The following TRRAP variants were observed in gnomAD, a reference collection of about 807,000 sequenced individuals.
TRRAP encodes transformation/transcription domain associated protein.
In TRRAP, 41 loss-of-function variants were observed where a neutral mutation model predicts 438.8. That is an observed-to-expected ratio of 0.09 (90% CI 0.07 to 0.12). The LOEUF (loss-of-function observed/expected upper bound fraction) is 0.12, where lower values mean the gene tolerates loss of function less well. Ranked by LOEUF, TRRAP falls within the 10% of genes least tolerant of loss-of-function variation. The pLI, the probability that TRRAP is intolerant of heterozygous loss-of-function variation, is 1.00. For synonymous variants in TRRAP, 1,994 were observed against 1,962.9 expected (o/e 1.02, Z -0.42); for missense variants, 3,122 against 5,055.1 (o/e 0.62, Z 11.60).
chr7:98,912,546 A>G (rs1459563612), intron 18 of TRRAP, among the ~76,000 whole-genome samples: 9 of 152,182 alleles, frequency 5.9e-5, no homozygotes, highest in African/African-American at 1.9e-4. Flanking sequence ...TTGTCTATCT[A>G]GTAACTTAAA....
chr7:98,947,537 C>A (rs1267371814), intron 33 of TRRAP, among the ~76,000 whole-genome samples: 1 of 151,476 alleles, frequency 6.6e-6, no homozygotes, highest in Non-Finnish European at 1.5e-5. Context: ...CTCACTGTAA[C>A]CTCCGCCTCC....
chr7:98,990,648 G>T lies in TRRAP; in HGVS notation c.9756+29G>T, dbSNP rs377408093. The T allele has an allele frequency of 3.1e-6, 5 of 1,589,604 alleles. No homozygotes were observed. The South Asian group carries it at 4.5e-5, about 14-fold the overall frequency. On this transcript the variant is annotated intron_variant, in intron 64 of 72. Transcript: ENST00000456197. ...GGAAGAGCAGGGTGGCCTTGTTCAC[G>T]TGCACAAAACATTGTGTCTTCATTT...
chr7:98,966,289 G>A (rs1164144574), intron 49 of TRRAP, among the ~76,000 whole-genome samples: 1 of 151,922 alleles, frequency 6.6e-6, no homozygotes, highest in African/African-American at 2.4e-5. Context: ...CTGGGCGACA[G>A]AGCAAGACTC....
At chr7:98,993,852 T>C in intron 66 of TRRAP, 115 bp downstream of exon 66, 2 of 1,056,018 alleles carry the variant, frequency 1.9e-6, no homozygotes, top group Non-Finnish European at 2.8e-6. Context: ...TATATATTTG[T>C]TGTTGAACTT....
At chr7:99,002,116 G>C (rs1793949334) in intron 67 of TRRAP, among the ~76,000 whole-genome samples, 1 of 148,970 alleles carries the variant, frequency 6.7e-6, no homozygotes, top group African/African-American at 2.5e-5. Flanking sequence ...GGATGCAGGG[G>C]AGAGGCGGGG....
intron 52 of TRRAP, among the ~76,000 whole-genome samples, chr7:98,971,580 G>A (rs1319394545): frequency 6.6e-6 from 1 of 152,140 alleles, no homozygotes; most frequent in Non-Finnish European, 1.5e-5. Context: ...AAGCACACTG[G>A]TGGCTTCTTT....
At chr7:98,915,628 C>G (rs1789487485) in intron 18 of TRRAP, 95 bp from the exon 19 acceptor site, 1 of 1,451,720 alleles carries the variant, frequency 6.9e-7, no homozygotes, top group Non-Finnish European at 9.3e-7. Flanking sequence ...GAATTGCCTT[C>G]CATTGCTGTC....
chr7:99,008,650 G>A, intron 70 of TRRAP, 89 bp downstream of exon 70: 1 of 1,427,830 alleles, frequency 7.0e-7, no homozygotes, highest in South Asian at 1.3e-5. Context: ...TTTAGGAGAT[G>A]AACAGGCATT....
chr7:98,990,442 CCTT>C lies in TRRAP; in HGVS notation c.9592-10_9592-8del. On this transcript the variant is annotated splice_polypyrimidine_tract_variant and intron_variant, in intron 63 of 72. Coordinates refer to ENST00000456197, the MANE Select transcript of TRRAP (RefSeq NM_001375524.1). ...ATTGTCATTCTACTCTAGAATTTCT[CCTT>C]CTGTCTCAGGTGCTGTGGCTTTTGA... 1.2e-6 allele frequency: 2 copies of C among 1,609,548 alleles called. No homozygotes were observed. The highest frequency in any genetic ancestry group is 1.7e-5 in the Admixed American group (1 of 59,934).
At chr7:98,988,692 G>A (rs1224081536) in intron 62 of TRRAP, 73 bp from the exon 63 acceptor site, 2 of 1,534,380 alleles carry the variant, frequency 1.3e-6, no homozygotes, top group East Asian at 2.3e-5. Flanking sequence ...ATTTTATAAT[G>A]GTTAATTTCA....
chr7:98,982,039 G>C, intron 59 of TRRAP, 79 bp downstream of exon 59: 1 of 1,348,028 alleles, frequency 7.4e-7, no homozygotes, highest in South Asian at 1.6e-5. Flanking sequence ...TAGGTCTGCA[G>C]ACTGCTCCGG....
chr7:98,880,300 A>G (rs1285821016), intron 1 of TRRAP, among the ~76,000 whole-genome samples: 35 of 118,946 alleles, frequency 2.9e-4, no homozygotes, highest in African/African-American at 7.6e-4. Context: ...ACCTTGCTCT[A>G]TTGCCCAGGA....
intron 11 of TRRAP, among the ~76,000 whole-genome samples, chr7:98,901,800 C>T (rs781906061): frequency 1.2e-4 from 19 of 152,228 alleles, no homozygotes; most frequent in Non-Finnish European, 2.8e-4. Flanking sequence ...CTGCCCACCT[C>T]AGCCTCCCAT....
At position 98,994,964 on chromosome 7, in the gene TRRAP, T is replaced by C. The variant is rs1793581652; in HGVS notation, c.10309+116T>C. 5.0e-6 allele frequency: 7 copies of C among 1,410,700 alleles called. No individual in the cohort carries two copies. The South Asian group carries it at 9.3e-5, about 19-fold the overall frequency. The allele number at this position is 1,410,700 out of a possible 1,614,324, so 87.4% of individuals were successfully genotyped here. A position where few individuals can be genotyped will look rare whatever the true frequency, so the allele number is the denominator to read the frequency against. ...TTTCTGATCACTGCACGGGGCACACTGGTTACACTCTGTTTACAGTGCAGA... is the reference window on the plus strand; with the variant it reads ...TTTCTGATCACTGCACGGGGCACACCGGTTACACTCTGTTTACAGTGCAGA... On this transcript the variant is annotated intron_variant, in intron 67 of 72. Coordinates refer to ENST00000456197, the MANE Select transcript of TRRAP (RefSeq NM_001375524.1). The surrounding 1 kb of genome is among the most constrained non-coding windows in gnomAD (Gnocchi z 4.8).
At chr7:98,991,870 G>A (rs1175312249) in intron 64 of TRRAP, among the ~76,000 whole-genome samples, 1 of 152,158 alleles carries the variant, frequency 6.6e-6, no homozygotes, top group Admixed American at 6.5e-5. Context: ...AGGAAAGCGT[G>A]GTTTCCCTGT....
chr7:98,926,107 T>C (rs1427419221), intron 22 of TRRAP, among the ~76,000 whole-genome samples: 3 of 152,090 alleles, frequency 2.0e-5, no homozygotes, highest in Non-Finnish European at 2.9e-5. Flanking sequence ...CGAATACTTA[T>C]CCAGAACACA....
At chr7:98,932,174 C>T (rs1790352888) in intron 26 of TRRAP, among the ~76,000 whole-genome samples, 1 of 151,956 alleles carries the variant, frequency 6.6e-6, no homozygotes, top group Non-Finnish European at 1.5e-5. Context: ...AGTGCAGTGG[C>T]ATGATCTTGG....
rs532385728 is a variant in TRRAP at position 98,921,623 on chromosome 7, G to A, written c.2623-130G>A. 1.4e-4 allele frequency: 168 copies of A among 1,223,418 alleles called. 2 individuals are homozygous for A. The Middle Eastern group carries it at 2.2e-3, about 16-fold the overall frequency. 75.8% of individuals were successfully genotyped at this position (1,223,418 alleles called of 1,614,324 possible). A position where few individuals can be genotyped will look rare whatever the true frequency, so the allele number is the denominator to read the frequency against. Reference sequence around the variant, plus strand: ...ACTCCTGACGTCAGGTGATCTACCCGCCTTAGCCTCCCAAAGTTCTGGGAT... The same window carrying A: ...ACTCCTGACGTCAGGTGATCTACCCACCTTAGCCTCCCAAAGTTCTGGGAT... On this transcript the variant is annotated intron_variant, in intron 20 of 72. Coordinates refer to ENST00000456197, the MANE Select transcript of TRRAP (RefSeq NM_001375524.1).
intron 3 of TRRAP, among the ~76,000 whole-genome samples, chr7:98,887,740 A>AAG: frequency 6.9e-6 from 1 of 144,366 alleles, no homozygotes; most frequent in African/African-American, 2.9e-5. Flanking sequence ...AAAAAAAAAA[A>AAG]AAAAAAAAAA....
Sources: allele counts gnomAD v4.1 joint callset (sites outside exome capture counted in the v4.1 genomes callset), GRCh38; gene constraint gnomAD v4.1.1; non-coding constraint Gnocchi (gnomAD v3.1); transcripts MANE v1.5; gene names NCBI Gene and HGNC (gene_info 2026-07-23, HGNC 2026-07-21).